Variants in MAF observed in about 807,000 individuals in gnomAD.
The protein encoded by MAF is transcription factor Maf.
A neutral mutation model predicts 22.0 loss-of-function variants in MAF; 10 were observed. That is an observed-to-expected ratio of 0.45 (90% confidence interval 0.28 to 0.77). MAF has a LOEUF of 0.77. Ranked by LOEUF, MAF falls within the 30% of genes least tolerant of loss-of-function variation. MAF has a pLI of 0.12. For missense variants in MAF, 544 were observed against 548.4 expected (o/e 0.99, Z 0.08); for synonymous variants, 337 against 255.8 (o/e 1.32, Z -3.03).
chr16:79,225,571 T>A, the MAF span, among the ~76,000 whole-genome samples: 3 of 152,054 alleles, frequency 2.0e-5, no homozygotes, highest in African/African-American at 7.2e-5. Context: ...AAAGAAACTA[T>A]CATCAGAGTG....
At chr16:79,538,576 A>G in the MAF span, among the ~76,000 whole-genome samples, 1 of 152,224 alleles carries the variant, frequency 6.6e-6, no homozygotes, top group Non-Finnish European at 1.5e-5. Context: ...ATGTAAAAAT[A>G]TAACTATAAT....
At chr16:79,250,589 G>C in the MAF span, among the ~76,000 whole-genome samples, 81 of 152,270 alleles carry the variant, frequency 5.3e-4, no homozygotes, top group Admixed American at 1.2e-3. Flanking sequence ...CTTGGGGAAG[G>C]CTCTACTTCT....
the MAF span, among the ~76,000 whole-genome samples, chr16:79,250,622 G>A: frequency 1.3e-5 from 2 of 152,070 alleles, no homozygotes; most frequent in Admixed American, 1.3e-4. Context: ...CAGTGAAAGC[G>A]CATAATTCAA....
the MAF span, among the ~76,000 whole-genome samples, chr16:79,408,499 A>T: frequency 1.3e-5 from 2 of 151,942 alleles, no homozygotes; most frequent in African/African-American, 4.8e-5. Flanking sequence ...TCTACTTATT[A>T]TCTCATTGAC....
At chr16:79,224,998 A>G in the MAF span, among the ~76,000 whole-genome samples, 25 of 152,338 alleles carry the variant, frequency 1.6e-4, no homozygotes, top group African/African-American at 6.0e-4. Context: ...TCTTCACAGA[A>G]TTAGAAAAAA....
the MAF span, among the ~76,000 whole-genome samples, chr16:79,327,959 C>T: frequency 1.3e-5 from 2 of 152,204 alleles, no homozygotes; most frequent in East Asian, 3.8e-4. Context: ...CTTAGCTTTG[C>T]TGTTTCCTTA....
downstream of MAF, among the ~76,000 whole-genome samples, chr16:79,582,090 C>A (rs964850259): frequency 2.0e-5 from 3 of 151,994 alleles, no homozygotes; most frequent in African/African-American, 4.8e-5. Flanking sequence ...AAATAGAGAC[C>A]GAAAACAAAC....
chr16:79,558,476 A>T, the MAF span, among the ~76,000 whole-genome samples: 1 of 152,230 alleles, frequency 6.6e-6, no homozygotes, highest in Non-Finnish European at 1.5e-5. Flanking sequence ...TCCTGGAGCT[A>T]AAATTAAAAA....
the MAF span, among the ~76,000 whole-genome samples, chr16:79,489,367 A>T: frequency 2.0e-5 from 3 of 152,180 alleles, no homozygotes; most frequent in South Asian, 4.1e-4. Flanking sequence ...CCATCTATCC[A>T]TCCATCCTTT....
the MAF span, among the ~76,000 whole-genome samples, chr16:79,306,849 C>T: frequency 2.0e-5 from 3 of 152,180 alleles, no homozygotes; most frequent in Non-Finnish European, 4.4e-5. Flanking sequence ...GCCTTAACTT[C>T]CTACCCTGTA....
the MAF span, among the ~76,000 whole-genome samples, chr16:79,531,947 C>T: frequency 6.6e-6 from 1 of 152,064 alleles, no homozygotes; most frequent in Admixed American, 6.5e-5. Context: ...TTTGGATGGT[C>T]TGGGGACCGT....
At chr16:79,210,354 T>G in the MAF span, among the ~76,000 whole-genome samples, 1 of 152,184 alleles carries the variant, frequency 6.6e-6, no homozygotes, top group Non-Finnish European at 1.5e-5. Flanking sequence ...GATCCTAGAA[T>G]GCAAGCATAG....
the MAF span, among the ~76,000 whole-genome samples, chr16:79,357,263 A>T: frequency 0.013 from 1,794 of 133,712 alleles, 46 homozygotes; most frequent in African/African-American, 0.054. Flanking sequence ...CACAACAACA[A>T]CAACAACAAC....
downstream of MAF, among the ~76,000 whole-genome samples, chr16:79,582,607 G>C (rs778752301): frequency 1.3e-5 from 2 of 152,204 alleles, no homozygotes; most frequent in Non-Finnish European, 2.9e-5. Context: ...TGTATGGAAA[G>C]GGGGTGATGT....
the MAF span, among the ~76,000 whole-genome samples, chr16:79,219,634 T>C: frequency 1.3e-5 from 2 of 151,252 alleles, no homozygotes; most frequent in East Asian, 3.9e-4. Flanking sequence ...AGCAAACCAT[T>C]TGAATCGTGG....
chr16:79,429,802 C>A, the MAF span, among the ~76,000 whole-genome samples: 1 of 152,196 alleles, frequency 6.6e-6, no homozygotes, highest in African/African-American at 2.4e-5. Context: ...GTGCTTTCTG[C>A]ACTTGCCTGG....
chr16:79,441,955 C>A, the MAF span, among the ~76,000 whole-genome samples: 1 of 152,276 alleles, frequency 6.6e-6, no homozygotes, highest in South Asian at 2.1e-4. Flanking sequence ...AGGCACAGAG[C>A]AAAAGGTCAT....
chr16:79,378,658 T>G, the MAF span, among the ~76,000 whole-genome samples: 1 of 152,234 alleles, frequency 6.6e-6, no homozygotes, highest in African/African-American at 2.4e-5. Flanking sequence ...ATTATAAACA[T>G]GTATTTATAT....
At chr16:79,594,999 C>A in intron 1 of MAF, 3 of 1,071,090 alleles carry the variant, frequency 2.8e-6, no homozygotes, top group Non-Finnish European at 3.4e-6. Context: ...GCAATAACTA[C>A]ATCCAGAATA....
Sources: allele counts gnomAD v4.1 joint callset (sites outside exome capture counted in the v4.1 genomes callset), GRCh38; gene constraint gnomAD v4.1.1; transcripts MANE v1.5; gene names NCBI Gene and HGNC (gene_info 2026-07-23, HGNC 2026-07-21).